The following MAMDC2 variants were observed in gnomAD, a reference collection of about 807,000 sequenced individuals.
The protein encoded by MAMDC2 is MAM domain-containing protein 2.
Under a neutral mutation model 89.8 loss-of-function variants are expected in MAMDC2, and 57 were observed. The ratio of observed to expected loss-of-function variants is 0.63; its 90% CI spans 0.51 to 0.79. The LOEUF (loss-of-function observed/expected upper bound fraction) is 0.79. Among genes scored for constraint, MAMDC2 ranks in the 30% least tolerant of loss-of-function variants. The pLI is 0.00. For missense variants in MAMDC2, 800 were observed against 820.6 expected, an observed-to-expected ratio of 0.97 and a Z score of 0.31; for synonymous variants, 313 against 293.4, an observed-to-expected ratio of 1.07 and a Z score of -0.68.
rs991723185 is a variant in MAMDC2 at position 70,130,913 on chromosome 9, G to A, written c.901-606G>A. Reference sequence around the variant, plus strand: ...CAGAAATGACATAGGCACTTCAGCTGACATTCAAGGAAGAGGGGCATATCC... The same window carrying A: ...CAGAAATGACATAGGCACTTCAGCTAACATTCAAGGAAGAGGGGCATATCC... On this transcript the variant is annotated intron_variant, in intron 6 of 13. Transcript: ENST00000377182. Among the ~76,000 whole-genome samples, 3 of 152,194 alleles carry A rather than the reference G, an allele frequency of 2.0e-5. 1 individual carries two copies. The South Asian group carries it at 6.2e-4, about 31-fold the overall frequency.
chr9:70,195,390 C>G (rs367574011), intron 11 of MAMDC2, among the ~76,000 whole-genome samples: 113 of 152,216 alleles, frequency 7.4e-4, no homozygotes, highest in African/African-American at 2.5e-3. Context: ...CCATTTACTT[C>G]AGTAGCTCTA....
At chr9:70,160,905 G>A (rs1475153080) in intron 9 of MAMDC2, among the ~76,000 whole-genome samples, 1 of 152,192 alleles carries the variant, frequency 6.6e-6, no homozygotes, top group Non-Finnish European at 1.5e-5. Context: ...TTGGTCCCAT[G>A]CTATTAACTG....
intron 9 of MAMDC2, among the ~76,000 whole-genome samples, chr9:70,150,572 T>C (rs2031550644): frequency 6.6e-6 from 1 of 152,174 alleles, no homozygotes; most frequent in Non-Finnish European, 1.5e-5. Flanking sequence ...GCTCTCTTGT[T>C]CAGTCCTTAA....
Position 70,044,706 on chromosome 9 carries a change from G to T in MAMDC2, c.148+9G>T. 6.5e-7 allele frequency: 1 copy of T among 1,544,054 alleles called. No individual in the cohort carries two copies. On this transcript the variant is annotated intron_variant, in intron 2 of 13. Coordinates refer to ENST00000377182, the MANE Select transcript of MAMDC2 (RefSeq NM_153267.5). ...GATTTTAAATGAGGAAGGTAAGGAG[G>T]CTCGGTGGAGAGGGGCGCGAAGTGA...
chr9:70,209,311 T>A (rs2033300700), intron 11 of MAMDC2, among the ~76,000 whole-genome samples: 1 of 152,226 alleles, frequency 6.6e-6, no homozygotes, highest in Non-Finnish European at 1.5e-5. Flanking sequence ...TTTCAGAGTC[T>A]GTTATTCCTC....
intron 6 of MAMDC2, among the ~76,000 whole-genome samples, chr9:70,127,839 A>G (rs988012454): frequency 6.6e-6 from 1 of 152,194 alleles, no homozygotes; most frequent in Non-Finnish European, 1.5e-5. Context: ...AAAGAAATGC[A>G]TGTACTGCTT....
In MAMDC2 at chr9:70,044,148, C is replaced by G. The variant is rs755543536; in HGVS notation, c.-50C>G. 3 of 1,605,272 alleles carry G rather than the reference C, an allele frequency of 1.9e-6. No individual in the cohort carries two copies. On this transcript the variant is annotated 5_prime_UTR_variant, in exon 1 of 14. Transcript: ENST00000377182. ...TTTCACTAGGAGCAGCCAGTCCCAG[C>G]GGGCTGGCAACTTGCACCCCTTCCT...
Position 70,170,572 on chromosome 9 carries a change from G to A in MAMDC2, c.1592G>A (p.Arg531Lys). ...EKRNRSSWHRRRGETPTSYTG... is the reference protein window; with the variant it reads ...EKRNRSSWHRKRGETPTSYTG... ...AGAAACCGGAGCAGCTGGCACAGGA[G>A]GAGGGGAGAAACTCCCACTTCCTAC... The change falls in exon 11 of 14, where the codon AGG becomes AAG. Residue 531 changes from arginine to lysine, a missense_variant. Coordinates refer to ENST00000377182, the MANE Select transcript of MAMDC2 (RefSeq NM_153267.5). 1 of 1,612,836 alleles carries A rather than the reference G, an allele frequency of 6.2e-7. No homozygotes were observed. The highest frequency in any genetic ancestry group is 8.5e-7 in the Non-Finnish European group (1 of 1,179,674).
chr9:70,081,050 G>C (rs1827640473), intron 2 of MAMDC2, among the ~76,000 whole-genome samples: 1 of 152,106 alleles, frequency 6.6e-6, no homozygotes, highest in African/African-American at 2.4e-5. Context: ...TGAGCCAAAT[G>C]GTTTACATAG....
intron 6 of MAMDC2, among the ~76,000 whole-genome samples, chr9:70,130,794 C>CAAAACAAA (rs1300197669): frequency 2.0e-5 from 3 of 151,540 alleles, no homozygotes; most frequent in Non-Finnish European, 4.4e-5. Context: ...CAAAACAAAA[C>CAAAACAAA]AAAACAAAAA....
chr9:70,158,744 A>G (rs2031856969), intron 9 of MAMDC2, among the ~76,000 whole-genome samples: 1 of 150,460 alleles, frequency 6.6e-6, no homozygotes, highest in Admixed American at 6.6e-5. Flanking sequence ...GATATCATAG[A>G]ATATTTATAC....
chr9:70,184,487 G>A (rs900336546), intron 11 of MAMDC2, among the ~76,000 whole-genome samples: 3 of 152,022 alleles, frequency 2.0e-5, no homozygotes, highest in Non-Finnish European at 2.9e-5. Context: ...TTCCAACTTG[G>A]TTCCATTCTT....
At chr9:70,165,369 C>T (rs1276437626) in intron 9 of MAMDC2, among the ~76,000 whole-genome samples, 1 of 152,164 alleles carries the variant, frequency 6.6e-6, no homozygotes, top group Non-Finnish European at 1.5e-5. Flanking sequence ...TTACTAATAG[C>T]CAGGCAGAAA....
At chr9:70,127,750 A>G (rs1385842162) in intron 6 of MAMDC2, among the ~76,000 whole-genome samples, 2 of 151,136 alleles carry the variant, frequency 1.3e-5, no homozygotes, top group South Asian at 2.1e-4. Flanking sequence ...GCTATTTCCT[A>G]TCCCAAAGTC....
At chr9:70,144,251 G>T (rs916423671) in intron 9 of MAMDC2, among the ~76,000 whole-genome samples, 1 of 152,096 alleles carries the variant, frequency 6.6e-6, no homozygotes, top group Non-Finnish European at 1.5e-5. Context: ...CTGCATTGAG[G>T]CTTTAAGGTT....
intron 12 of MAMDC2, among the ~76,000 whole-genome samples, chr9:70,220,402 C>T (rs963848362): frequency 6.6e-6 from 1 of 152,200 alleles, no homozygotes. Context: ...AATCCTCCCC[C>T]TTGGCTTAGA....
chr9:70,212,165 G>A lies in MAMDC2; in HGVS notation c.1652-6172G>A, dbSNP rs189079761. 5.7e-3 allele frequency among the ~76,000 whole-genome samples: 862 copies of A among 152,340 alleles called. 10 individuals carry two copies. The highest frequency in any genetic ancestry group is 0.02 in the African/African-American group (833 of 41,576). ...TACTCTCTTCAAAGCTGTCAGACAG[G>A]GACGTTTAAGTCTGCAGAAGTTTCT... On this transcript the variant is annotated intron_variant, in intron 11 of 13. Coordinates refer to ENST00000377182, the MANE Select transcript of MAMDC2 (RefSeq NM_153267.5).
chr9:70,140,858 G>A (rs187422649), intron 8 of MAMDC2, among the ~76,000 whole-genome samples: 30 of 152,326 alleles, frequency 2.0e-4, no homozygotes, highest in Admixed American at 1.4e-3. Context: ...ATTAAAAAAT[G>A]TTGAGTGGAC....
At chr9:70,160,076 G>A (rs537404793) in intron 9 of MAMDC2, among the ~76,000 whole-genome samples, 2 of 152,226 alleles carry the variant, frequency 1.3e-5, no homozygotes, top group African/African-American at 4.8e-5. Context: ...GCAAGGCATG[G>A]TGGCGCATGC....
Sources: gnomAD v4.1 joint callset for allele counts (sites outside exome capture counted in the v4.1 genomes callset) on GRCh38, gnomAD v4.1.1 for gene constraint, MANE v1.5 for transcripts, NCBI Gene and HGNC (gene_info 2026-07-23, HGNC 2026-07-21) for gene names.